Variants in SHANK2 observed in about 807,000 individuals in gnomAD.
SHANK2 encodes the protein SH3 and multiple ankyrin repeat domains 2, also known as SH3 and multiple ankyrin repeat domains protein 2.
In SHANK2, 43 loss-of-function variants were observed where a neutral mutation model predicts 133.7. That is an observed-to-expected ratio of 0.32 (90% CI 0.25 to 0.41). The LOEUF (loss-of-function observed/expected upper bound fraction) is 0.41. SHANK2 is among the 10% of genes least tolerant of loss of function. The pLI is 1.00. For synonymous variants in SHANK2, 1,017 were observed against 952.8 expected, an observed-to-expected ratio of 1.07 and a Z score of -1.24; for missense variants, 1,994 against 2,235.8, an observed-to-expected ratio of 0.89 and a Z score of 2.18.
intron 1 of SHANK2, among the ~76,000 whole-genome samples, chr11:71,241,081 C>T (rs1485600061): frequency 2.0e-5 from 3 of 152,114 alleles, no homozygotes; most frequent in Non-Finnish European, 2.9e-5. Context: ...CCTGGGAAAG[C>T]AATTTGAGAA....
chr11:70,477,091 C>G (rs1293806909), intron 25 of SHANK2, among the ~76,000 whole-genome samples: 4 of 152,188 alleles, frequency 2.6e-5, no homozygotes, highest in Admixed American at 1.3e-4. Context: ...CCTCGGTGGG[C>G]AGCGGGAGCG....
In SHANK2 at chr11:70,898,311, CAT is replaced by C. The variant is rs1324496999; in HGVS notation, c.1108-1746_1108-1745del. Among the ~76,000 whole-genome samples, 974 of 145,130 alleles carry C rather than the reference CAT, an allele frequency of 6.7e-3. 9 individuals carry two copies. The highest frequency in any genetic ancestry group is 0.024 in the African/African-American group (911 of 37,424). On this transcript the variant is annotated intron_variant, in intron 10 of 25. Coordinates refer to ENST00000601538, the MANE Select transcript of SHANK2 (RefSeq NM_012309.5). ...ACACACACACACACACACACACACA[CAT>C]ATATATATGTGTATATATATATATG...
intron 11 of SHANK2, among the ~76,000 whole-genome samples, chr11:70,891,407 C>T (rs1197587695): frequency 2.0e-5 from 3 of 152,104 alleles, no homozygotes; most frequent in Non-Finnish European, 4.4e-5. Context: ...GAGGCTGAGG[C>T]AAGAGAATGG....
Position 70,565,645 on chromosome 11 carries a change from T to C in SHANK2, c.2062-62714A>G, listed in dbSNP as rs529738877. ...TCAGTGCAAGAAGCTGGGGCAAGTA[T>C]AGGGCTCATCCCATCTGTTTCTCAT... On this transcript the variant is annotated intron_variant, in intron 17 of 25. Coordinates refer to ENST00000601538, the MANE Select transcript of SHANK2 (RefSeq NM_012309.5). Among the ~76,000 whole-genome samples, 20 of 151,538 alleles carry C rather than the reference T, an allele frequency of 1.3e-4. No individual in the cohort carries two copies. The South Asian group carries it at 4.0e-3, about 30-fold the overall frequency.
intron 8 of SHANK2, among the ~76,000 whole-genome samples, chr11:71,075,694 G>A (rs1951209570): frequency 6.6e-6 from 1 of 152,180 alleles, no homozygotes; most frequent in African/African-American, 2.4e-5. Flanking sequence ...CTTCCAAGGG[G>A]GCAGCACAAA....
At chr11:70,621,576 G>A (rs1029401443) in intron 17 of SHANK2, among the ~76,000 whole-genome samples, 3 of 152,240 alleles carry the variant, frequency 2.0e-5, no homozygotes, top group East Asian at 3.8e-4. Flanking sequence ...AGGAAGGAAG[G>A]AGAGAGGGGA....
intron 17 of SHANK2, among the ~76,000 whole-genome samples, chr11:70,633,323 T>A (rs1163599567): frequency 6.6e-6 from 1 of 151,066 alleles, no homozygotes; most frequent in Admixed American, 6.6e-5. Flanking sequence ...CCTGAGTTCA[T>A]AATGACATAC....
chr11:70,496,326 C>A (rs926873098), intron 21 of SHANK2, among the ~76,000 whole-genome samples: 1 of 152,176 alleles, frequency 6.6e-6, no homozygotes, highest in Non-Finnish European at 1.5e-5. Flanking sequence ...ATTAACAAAC[C>A]CCACAGCTGA....
rs575080810 is a variant in SHANK2, at chr11:70,592,836, C to T, written c.2061+66992G>A. ...GTCCCTCTGCATGCACCTTCAGGGA[C>T]CCGATGTCCAGCAGAGGGACACCCA... On this transcript the variant is annotated intron_variant, in intron 17 of 25. Coordinates refer to ENST00000601538, the MANE Select transcript of SHANK2 (RefSeq NM_012309.5). Among the ~76,000 whole-genome samples, 8 of 152,334 alleles carry T rather than the reference C, an allele frequency of 5.3e-5. No individual in the cohort carries two copies. In the South Asian group the frequency reaches 1.5e-3, roughly 28 times the overall value.
intron 15 of SHANK2, among the ~76,000 whole-genome samples, chr11:70,672,897 G>A (rs1457086618): frequency 6.6e-6 from 1 of 152,236 alleles, no homozygotes; most frequent in Non-Finnish European, 1.5e-5. Flanking sequence ...TCCTGGCTCT[G>A]GCAAGAGCTG....
intron 14 of SHANK2, among the ~76,000 whole-genome samples, chr11:70,773,450 A>G (rs1426345145): frequency 6.6e-6 from 1 of 152,240 alleles, no homozygotes; most frequent in African/African-American, 2.4e-5. Context: ...AATTCATGAC[A>G]TCTCTTTTCA....
At chr11:70,570,191 T>C (rs1403095942) in intron 17 of SHANK2, among the ~76,000 whole-genome samples, 1 of 152,198 alleles carries the variant, frequency 6.6e-6, no homozygotes, top group Non-Finnish European at 1.5e-5. Context: ...AAAGTAGGTT[T>C]GGCTGGCGGC....
rs559772923 is a variant in SHANK2, at chr11:71,243,588, G to C, written c.-113+8837C>G. Among the ~76,000 whole-genome samples, 5 of 152,258 alleles carry C rather than the reference G, an allele frequency of 3.3e-5. No homozygotes were observed. In the South Asian group the frequency reaches 1.0e-3, roughly 32 times the overall value. Reference sequence around the variant, plus strand: ...TGGGCGCCTGTAGTGCCAGCTACTCGGGAGGCTGAGTCAAGAGAATGGTGT... The same window carrying C: ...TGGGCGCCTGTAGTGCCAGCTACTCCGGAGGCTGAGTCAAGAGAATGGTGT... On this transcript the variant is annotated intron_variant, in intron 1 of 25. Transcript: ENST00000601538.
At chr11:70,625,290 C>T (rs377293335) in intron 17 of SHANK2, among the ~76,000 whole-genome samples, 44 of 152,170 alleles carry the variant, frequency 2.9e-4, no homozygotes, top group East Asian at 2.1e-3. Flanking sequence ...TTTGGTGTCC[C>T]GAGTCTTTGC....
chr11:70,766,363 T>G (rs1200835676), intron 14 of SHANK2, among the ~76,000 whole-genome samples: 2 of 152,234 alleles, frequency 1.3e-5, no homozygotes, highest in African/African-American at 4.8e-5. Flanking sequence ...TGTTCTTTAG[T>G]TGTTTTTCTG....
intron 11 of SHANK2, chr11:70,873,098 GC>G (rs1215033295): frequency 3.0e-5 from 14 of 471,180 alleles, no homozygotes; most frequent in Non-Finnish European, 4.8e-5. Flanking sequence ...GAAACCTGCA[GC>G]TTGGGCCCTG....
chr11:70,505,676 G>T (rs2135848935), intron 17 of SHANK2, among the ~76,000 whole-genome samples: 1 of 152,278 alleles, frequency 6.6e-6, no homozygotes, highest in Admixed American at 6.5e-5. Flanking sequence ...GGCATTCTCT[G>T]GATCTGATGC....
At chr11:70,626,028 C>T (rs555329515) in intron 17 of SHANK2, among the ~76,000 whole-genome samples, 12 of 152,034 alleles carry the variant, frequency 7.9e-5, no homozygotes, top group East Asian at 7.8e-4. Flanking sequence ...CCTCCAGTTC[C>T]GCTGCCTTGT....
chr11:71,209,356 A>G (rs972453180), intron 2 of SHANK2, among the ~76,000 whole-genome samples: 2 of 152,218 alleles, frequency 1.3e-5, no homozygotes, highest in African/African-American at 4.8e-5. Flanking sequence ...ACACCCTCCC[A>G]CGCCCTGCCT....
Sources: gnomAD v4.1 joint callset for allele counts (sites outside exome capture counted in the v4.1 genomes callset) on GRCh38, gnomAD v4.1.1 for gene constraint, MANE v1.5 for transcripts, NCBI Gene and HGNC (gene_info 2026-07-23, HGNC 2026-07-21) for gene names.